Variants in CHCHD6 observed in about 807,000 individuals in gnomAD.
CHCHD6 encodes the protein MICOS complex subunit MIC25.
Under a neutral mutation model 32.3 loss-of-function variants are expected in CHCHD6, and 28 were observed. The ratio of observed to expected loss-of-function variants is 0.87; its 90% CI spans 0.64 to 1.19. CHCHD6 has a LOEUF of 1.19. CHCHD6 is among the 50% of genes most tolerant of loss of function. CHCHD6 has a pLI of 0.00. For synonymous variants in CHCHD6, 122 were observed against 117.5 expected, an observed-to-expected ratio of 1.04 and a Z score of -0.25; for missense variants, 333 against 307.0, an observed-to-expected ratio of 1.08 and a Z score of -0.63.
At chr3:126,910,013 A>C (rs1559916866) in intron 5 of CHCHD6, among the ~76,000 whole-genome samples, 1 of 152,208 alleles carries the variant, frequency 6.6e-6, no homozygotes, top group East Asian at 1.9e-4. Flanking sequence ...ACAGTAAGTC[A>C]CGCCTATAAT....
chr3:126,843,540 A>G (rs1469752241), intron 4 of CHCHD6, among the ~76,000 whole-genome samples: 2 of 152,166 alleles, frequency 1.3e-5, no homozygotes, highest in African/African-American at 4.8e-5. Context: ...AAGGAAAATT[A>G]TGTATTTTTA....
At chr3:126,833,542 G>A (rs1940726808) in intron 4 of CHCHD6, among the ~76,000 whole-genome samples, 1 of 152,222 alleles carries the variant, frequency 6.6e-6, no homozygotes, top group South Asian at 2.1e-4. Context: ...GTGGCGAGTG[G>A]GAAGAATGTG....
chr3:126,876,158 A>G (rs16837750), intron 5 of CHCHD6, among the ~76,000 whole-genome samples: 5,102 of 152,340 alleles, frequency 0.033, 288 homozygotes, highest in African/African-American at 0.12. Flanking sequence ...TAGCTGCTCA[A>G]GAAATGTTCA....
At chr3:126,728,011 C>G (rs530721440) in intron 2 of CHCHD6, among the ~76,000 whole-genome samples, 57 of 152,130 alleles carry the variant, frequency 3.7e-4, no homozygotes, top group Non-Finnish European at 6.5e-4. Flanking sequence ...CAGCATGCCA[C>G]CACGGAAGGA....
In CHCHD6 at chr3:126,959,460, C is replaced by T. The variant is rs571637439; in HGVS notation, c.703-736C>T. Among the ~76,000 whole-genome samples the T allele has an allele frequency of 2.6e-5, 4 of 152,376 alleles. No homozygotes were observed. The East Asian group carries it at 7.7e-4, about 29-fold the overall frequency. On this transcript the variant is annotated intron_variant, in intron 7 of 7. Coordinates refer to ENST00000290913, the MANE Select transcript of CHCHD6 (RefSeq NM_032343.3). ...AAGTGCTGGAGAAACTCTCACCACCCTTCGCCAGCCTTCGCCTCAGAAGGC... is the reference window on the plus strand; with the variant it reads ...AAGTGCTGGAGAAACTCTCACCACCTTTCGCCAGCCTTCGCCTCAGAAGGC...
intron 2 of CHCHD6, among the ~76,000 whole-genome samples, chr3:126,729,247 A>G (rs547804470): frequency 1.3e-5 from 2 of 152,366 alleles, no homozygotes; most frequent in East Asian, 3.9e-4. Context: ...TAATCTTAAT[A>G]TGTAGCGAGT....
chr3:126,763,803 G>A (rs1248984839), intron 4 of CHCHD6, among the ~76,000 whole-genome samples: 1 of 152,166 alleles, frequency 6.6e-6, no homozygotes, highest in Non-Finnish European at 1.5e-5. Flanking sequence ...GTTACCAGAG[G>A]CTATGGGAGA....
intron 5 of CHCHD6, among the ~76,000 whole-genome samples, chr3:126,875,211 C>T (rs1268142508): frequency 6.6e-6 from 1 of 152,226 alleles, no homozygotes; most frequent in Non-Finnish European, 1.5e-5. Flanking sequence ...ACACCAGAAT[C>T]CAGAGCAGGA....
chr3:126,787,856 C>A (rs1938301746), intron 4 of CHCHD6, among the ~76,000 whole-genome samples: 1 of 152,094 alleles, frequency 6.6e-6, no homozygotes, highest in Non-Finnish European at 1.5e-5. Context: ...GAACTTCCAA[C>A]ACTATGTTGA....
chr3:126,752,525 A>G (rs1936769705), intron 4 of CHCHD6, among the ~76,000 whole-genome samples: 1 of 152,198 alleles, frequency 6.6e-6, no homozygotes, highest in Non-Finnish European at 1.5e-5. Context: ...GTAACCTGGT[A>G]GCTTTGAGAC....
At chr3:126,943,343 C>T (rs917096254) in intron 6 of CHCHD6, among the ~76,000 whole-genome samples, 7 of 152,308 alleles carry the variant, frequency 4.6e-5, no homozygotes, top group African/African-American at 1.2e-4. Flanking sequence ...GTTAGGAAAT[C>T]GGAACAGAGT....
intron 1 of CHCHD6, among the ~76,000 whole-genome samples, chr3:126,711,335 G>T (rs1934740786): frequency 6.6e-6 from 1 of 152,220 alleles, no homozygotes; most frequent in Non-Finnish European, 1.5e-5. Context: ...GATGTGTGCG[G>T]CAGACTTTGT....
chr3:126,867,333 A>G lies in CHCHD6; in HGVS notation c.495+14603A>G, dbSNP rs1354833697. ...AGTACCTCATCTCAAAGTGATTCCT[A>G]CACCATAGCTGGCAGCAGCTACATG... On this transcript the variant is annotated intron_variant, in intron 5 of 7. Coordinates refer to ENST00000290913, the MANE Select transcript of CHCHD6 (RefSeq NM_032343.3). Among the ~76,000 whole-genome samples the G allele has an allele frequency of 4.6e-5, 7 of 152,268 alleles. No individual in the cohort carries two copies. The East Asian group carries it at 1.4e-3, about 29-fold the overall frequency.
intron 4 of CHCHD6, among the ~76,000 whole-genome samples, chr3:126,821,412 C>T (rs886837880): frequency 3.3e-5 from 5 of 152,106 alleles, no homozygotes; most frequent in Non-Finnish European, 7.4e-5. Flanking sequence ...TCCTGCCTTA[C>T]TGAGCCTCCC....
intron 5 of CHCHD6, among the ~76,000 whole-genome samples, chr3:126,869,489 C>T (rs2077436867): frequency 6.6e-6 from 1 of 152,002 alleles, no homozygotes; most frequent in Non-Finnish European, 1.5e-5. Context: ...ACCATCACAG[C>T]ATGGTGATGG....
At chr3:126,875,098 T>C (rs1427478360) in intron 5 of CHCHD6, among the ~76,000 whole-genome samples, 4 of 152,240 alleles carry the variant, frequency 2.6e-5, no homozygotes, top group African/African-American at 9.6e-5. Context: ...TGGGCGGAGC[T>C]CAGTGTTTCC....
chr3:126,732,967 C>A, intron 3 of CHCHD6, 111 bp from the exon 4 acceptor site: 2 of 1,221,746 alleles, frequency 1.6e-6, no homozygotes, highest in Non-Finnish European at 2.3e-6. Flanking sequence ...CAGCCGCTGG[C>A]TGGTTTCAGC....
chr3:126,823,714 T>C (rs1940252026), intron 4 of CHCHD6, among the ~76,000 whole-genome samples: 1 of 152,204 alleles, frequency 6.6e-6, no homozygotes, highest in East Asian at 1.9e-4. Flanking sequence ...TCTTACCTTG[T>C]TCCACTGGCT....
intron 4 of CHCHD6, chr3:126,766,462 A>G (rs968248537): frequency 7.2e-6 from 5 of 693,846 alleles, no homozygotes; most frequent in African/African-American, 5.3e-5. Flanking sequence ...GTATTCTGGT[A>G]GTTTCTTGAT....
Sources: gnomAD v4.1 joint callset for allele counts (sites outside exome capture counted in the v4.1 genomes callset) on GRCh38, gnomAD v4.1.1 for gene constraint, MANE v1.5 for transcripts, NCBI Gene and HGNC (gene_info 2026-07-23, HGNC 2026-07-21) for gene names.